SLC30A4: variants seen among roughly 807,000 people sequenced by gnomAD.
SLC30A4 encodes probable proton-coupled zinc antiporter SLC30A4.
Under a neutral mutation model 41.7 loss-of-function variants are expected in SLC30A4, and 20 were observed. The observed-to-expected ratio is 0.48, with a 90% CI of 0.34 to 0.70. The LOEUF (loss-of-function observed/expected upper bound fraction) is 0.70, where lower values mean the gene tolerates loss of function less well. Ranked by LOEUF, SLC30A4 falls within the 30% of genes least tolerant of loss-of-function variation. SLC30A4 has a pLI of 0.01. For missense variants in SLC30A4, 441 were observed against 529.3 expected (o/e 0.83, Z 1.64); for synonymous variants, 181 against 195.9 (o/e 0.92, Z 0.64).
chr15:45,507,566 C>A lies in SLC30A4; in HGVS notation c.538+3572G>T, dbSNP rs1010495530. 2.0e-5 allele frequency among the ~76,000 whole-genome samples: 3 copies of A among 149,676 alleles called. No individual in the cohort carries two copies. The Admixed American group carries it at 2.0e-4, about 10-fold the overall frequency. On this transcript the variant is annotated intron_variant, in intron 3 of 7. Coordinates refer to ENST00000261867, the MANE Select transcript of SLC30A4 (RefSeq NM_013309.6). ...GCAGTGGCTTGATCTTGGCTCACTGCAACCTCCACCTCCCAAGTTCAAGTG... is the reference window on the plus strand; with the variant it reads ...GCAGTGGCTTGATCTTGGCTCACTGAAACCTCCACCTCCCAAGTTCAAGTG...
chr15:45,519,811 T>C (rs1250495503), intron 2 of SLC30A4: 1 of 152,196 alleles, frequency 6.6e-6, no homozygotes, highest in Non-Finnish European at 1.5e-5. Context: ...GATGCTGTGA[T>C]TGTTATTTTA....
chr15:45,505,265 G>GA (rs915001740), intron 3 of SLC30A4, among the ~76,000 whole-genome samples: 22 of 132,778 alleles, frequency 1.7e-4, no homozygotes, highest in African/African-American at 5.0e-4. Flanking sequence ...AGAAAGAAAA[G>GA]AAAAAAAAAG....
In SLC30A4 at chr15:45,498,700, A is replaced by AT. The variant is rs532651791; in HGVS notation, c.539-7820dup. On this transcript the variant is annotated intron_variant, in intron 3 of 7. Coordinates refer to ENST00000261867, the MANE Select transcript of SLC30A4 (RefSeq NM_013309.6). ...TCTTTCAGCCTCAATAAAAACTCCC[A>AT]TCCCTAGGAAGTTCTAGGAATTTAT... Among the ~76,000 whole-genome samples the AT allele has an allele frequency of 7.0e-4, 106 of 152,162 alleles. 1 individual carries two copies. The highest frequency in any genetic ancestry group is 2.4e-3 in the African/African-American group (101 of 41,508).
chr15:45,508,706 T>A (rs1595528911), intron 3 of SLC30A4, among the ~76,000 whole-genome samples: 1 of 152,236 alleles, frequency 6.6e-6, no homozygotes, highest in East Asian at 1.9e-4. Context: ...CAAATGGTGC[T>A]GTCTGGTCTA....
At chr15:45,491,498 G>A (rs1289732365) in intron 3 of SLC30A4, among the ~76,000 whole-genome samples, 4 of 152,194 alleles carry the variant, frequency 2.6e-5, no homozygotes, top group Admixed American at 1.3e-4. Context: ...AGGCTGAGAC[G>A]GAAGGATCAC....
At chr15:45,513,619 G>C (rs1217051626) in intron 2 of SLC30A4, 1 of 152,052 alleles carries the variant, frequency 6.6e-6, no homozygotes, top group Non-Finnish European at 1.5e-5. Flanking sequence ...ACTTATTCAA[G>C]AAAAATAGCT....
intron 2 of SLC30A4, among the ~76,000 whole-genome samples, chr15:45,516,179 T>C (rs1047060618): frequency 2.6e-5 from 4 of 152,234 alleles, no homozygotes; most frequent in African/African-American, 9.6e-5. Context: ...TAAATAGGTT[T>C]AACTAGCTTT....
intron 1 of SLC30A4, 49 bp downstream of exon 1, chr15:45,522,558 C>G (rs1231567972): frequency 4.0e-6 from 2 of 500,272 alleles, no homozygotes; most frequent in Middle Eastern, 5.2e-4. Context: ...AGGGCCGACC[C>G]CGACGCTCCG....
chr15:45,490,786 C>T lies in SLC30A4; in HGVS notation c.634G>A (p.Glu212Lys). 1.2e-6 allele frequency: 2 copies of T among 1,611,480 alleles called. No individual in the cohort carries two copies. The highest frequency in any genetic ancestry group is 1.7e-6 in the Non-Finnish European group (2 of 1,178,226). ...AVQRTIHMNY[E>K]INGDIMLITA... ...ATGAGCATTATATCTCCATTTATTT[C>T]ATAGTTCATATGGATAGTTCTTTGC... Residue 212 changes from glutamate (E) to lysine (K), a missense_variant, in exon 4 of 8, where the codon GAA becomes AAA. This residue lies in a region of SLC30A4 where 312 missense variants were observed against 341.9 expected (regional missense o/e 0.91). Transcript: ENST00000261867.
intron 3 of SLC30A4, among the ~76,000 whole-genome samples, chr15:45,496,371 C>G (rs1891907114): frequency 6.6e-6 from 1 of 152,136 alleles, no homozygotes; most frequent in Non-Finnish European, 1.5e-5. Flanking sequence ...AAATTATGAC[C>G]TGCTCCAATT....
chr15:45,511,314 A>G, intron 2 of SLC30A4, 30 bp from the exon 3 acceptor site: 1 of 1,491,636 alleles, frequency 6.7e-7, no homozygotes, highest in East Asian at 2.4e-5. Flanking sequence ...GAAAAAAGGA[A>G]CAAGTTAATT....
intron 3 of SLC30A4, among the ~76,000 whole-genome samples, chr15:45,498,733 CT>C (rs1386684079): frequency 6.6e-6 from 1 of 152,092 alleles, no homozygotes; most frequent in African/African-American, 2.4e-5. Context: ...TATTCTTTTC[CT>C]ATAGATGTTT....
At chr15:45,491,449 G>T (rs181386536) in intron 3 of SLC30A4, among the ~76,000 whole-genome samples, 10 of 152,314 alleles carry the variant, frequency 6.6e-5, no homozygotes, top group African/African-American at 1.9e-4. Flanking sequence ...AACAGGTAAG[G>T]TGTGGTGGCT....
At position 45,522,126 on chromosome 15, in the gene SLC30A4, G is replaced by A. The variant is rs1261508554; in HGVS notation, c.229C>T (p.Leu77=). ...PTLQADDDSL[L]DQDLPLTNSQ... The stretch of plus-strand genomic sequence containing the variant: ...TTGGTCAAAGGTAAGTCTTGGTCCA[G>A]TAAGGAATCATCGTCGGCCTGGAGG... Residue 77 remains leucine, a synonymous_variant, in exon 2 of 8, where the codon CTG becomes TTG. Coordinates refer to ENST00000261867, the MANE Select transcript of SLC30A4 (RefSeq NM_013309.6). The A allele has an allele frequency of 6.2e-7, 1 of 1,614,246 alleles. No individual in the cohort carries two copies.
At chr15:45,506,348 C>G (rs556324843) in intron 3 of SLC30A4, among the ~76,000 whole-genome samples, 2 of 152,158 alleles carry the variant, frequency 1.3e-5, no homozygotes, top group Non-Finnish European at 1.5e-5. Context: ...CAAAATTCAA[C>G]AAGAATGGTA....
chr15:45,520,415 G>A (rs1047547278), intron 2 of SLC30A4, among the ~76,000 whole-genome samples: 5 of 151,970 alleles, frequency 3.3e-5, no homozygotes, highest in Non-Finnish European at 7.4e-5. Context: ...GATTACAGGC[G>A]CCCACCACAA....
chr15:45,501,932 AAATT>A (rs1892043455), intron 3 of SLC30A4: 1 of 152,172 alleles, frequency 6.6e-6, no homozygotes, highest in South Asian at 2.1e-4. Flanking sequence ...AACCACATAT[AAATT>A]ATTATGAGAA....
At chr15:45,521,520 C>T (rs1240472501) in intron 2 of SLC30A4, among the ~76,000 whole-genome samples, 2 of 150,378 alleles carry the variant, frequency 1.3e-5, no homozygotes, top group Non-Finnish European at 2.9e-5. Flanking sequence ...CTGGTTTGTG[C>T]CCTGGAAATC....
chr15:45,488,740 G>C, intron 5 of SLC30A4, 101 bp downstream of exon 5: 1 of 846,652 alleles, frequency 1.2e-6, no homozygotes, highest in Non-Finnish European at 1.9e-6. Context: ...AAAATGAATA[G>C]AACTGGCACT....
Sources: allele counts gnomAD v4.1 joint callset (sites outside exome capture counted in the v4.1 genomes callset), GRCh38; gene constraint gnomAD v4.1.1; regional missense constraint gnomAD v4.1.1; transcripts MANE v1.5; gene names NCBI Gene and HGNC (gene_info 2026-07-23, HGNC 2026-07-21).